The following SLC9A9 variants were observed in gnomAD, a reference collection of about 807,000 sequenced individuals.
The protein encoded by SLC9A9 is sodium/hydrogen exchanger 9.
SLC9A9 carries 62 observed loss-of-function variants against 77.8 expected under a neutral mutation model. That is an observed-to-expected ratio of 0.80 (90% CI 0.65 to 0.98). SLC9A9 has a LOEUF of 0.98. Among genes scored for constraint, SLC9A9 ranks in the 50% least tolerant of loss-of-function variants. The probability of loss-of-function intolerance (pLI) is 0.00; values close to 1 mark genes in which losing one functional copy is unlikely to be tolerated. For synonymous variants in SLC9A9, 320 were observed against 283.5 expected (o/e 1.13, Z -1.29); for missense variants, 775 against 774.9 (o/e 1.00, Z 0.00).
chr3:143,397,561 A>G (rs2033757414), intron 12 of SLC9A9, among the ~76,000 whole-genome samples: 1 of 152,212 alleles, frequency 6.6e-6, no homozygotes, highest in Non-Finnish European at 1.5e-5. Context: ...TTCACAGTTA[A>G]ATAAACAGAA....
intron 7 of SLC9A9, among the ~76,000 whole-genome samples, chr3:143,578,286 C>T (rs897217815): frequency 8.5e-5 from 13 of 152,128 alleles, no homozygotes; most frequent in South Asian, 2.1e-4. Flanking sequence ...TGATGGTTCC[C>T]GTTCACTAGT....
At chr3:143,820,967 C>T (rs1440891196) in intron 2 of SLC9A9, among the ~76,000 whole-genome samples, 2 of 150,194 alleles carry the variant, frequency 1.3e-5, no homozygotes, top group Admixed American at 1.3e-4. Flanking sequence ...GGTGTGTATG[C>T]AGCTTCCCCC....
At chr3:143,302,247 A>T (rs1221215867) in intron 14 of SLC9A9, among the ~76,000 whole-genome samples, 1 of 152,196 alleles carries the variant, frequency 6.6e-6, no homozygotes, top group Non-Finnish European at 1.5e-5. Context: ...CCTCTGGATG[A>T]TTGCCCTAGT....
At chr3:143,641,424 C>T (rs2038620452) in intron 6 of SLC9A9, among the ~76,000 whole-genome samples, 2 of 106,682 alleles carry the variant, frequency 1.9e-5, no homozygotes, top group South Asian at 6.8e-4. Flanking sequence ...CAGAGTCTTG[C>T]TCTGTTGCCT....
chr3:143,581,471 TCTC>T (rs1156830286), intron 6 of SLC9A9, among the ~76,000 whole-genome samples: 1 of 152,082 alleles, frequency 6.6e-6, no homozygotes, highest in African/African-American at 2.4e-5. Flanking sequence ...TCCCTTTCTC[TCTC>T]CTTCCTTCCT....
intron 1 of SLC9A9, among the ~76,000 whole-genome samples, chr3:143,838,153 T>C (rs1192836555): frequency 6.6e-6 from 1 of 152,148 alleles, no homozygotes; most frequent in East Asian, 1.9e-4. Flanking sequence ...CAAAGCAATG[T>C]ACAAAGTTTT....
chr3:143,527,347 T>G (rs929460462), intron 9 of SLC9A9, among the ~76,000 whole-genome samples: 2 of 152,222 alleles, frequency 1.3e-5, no homozygotes, highest in African/African-American at 4.8e-5. Context: ...TATTGACACG[T>G]GACAAAACTT....
chr3:143,512,616 G>A (rs1319711107), intron 9 of SLC9A9, among the ~76,000 whole-genome samples: 10 of 152,214 alleles, frequency 6.6e-5, no homozygotes, highest in African/African-American at 1.2e-4. Context: ...GGTGGCTCAC[G>A]CCTGTAATCC....
At chr3:143,516,333 T>C (rs576401722) in intron 9 of SLC9A9, among the ~76,000 whole-genome samples, 1 of 152,240 alleles carries the variant, frequency 6.6e-6, no homozygotes, top group East Asian at 1.9e-4. Context: ...AGTTTTCTTA[T>C]CTATTTCTTT....
intron 5 of SLC9A9, among the ~76,000 whole-genome samples, chr3:143,656,984 T>C (rs973565264): frequency 1.3e-5 from 2 of 152,196 alleles, no homozygotes; most frequent in African/African-American, 4.8e-5. Flanking sequence ...TTTCCCACTT[T>C]CCTGAAAAAT....
At chr3:143,327,910 T>A (rs1056714548) in intron 14 of SLC9A9, among the ~76,000 whole-genome samples, 18 of 152,232 alleles carry the variant, frequency 1.2e-4, no homozygotes, top group Admixed American at 7.8e-4. Flanking sequence ...CTAGTCTAAT[T>A]CCTCTTTTAT....
At chr3:143,337,971 GAAGA>G (rs1255394112) in intron 14 of SLC9A9, among the ~76,000 whole-genome samples, 1 of 152,182 alleles carries the variant, frequency 6.6e-6, no homozygotes, top group Non-Finnish European at 1.5e-5. Flanking sequence ...AAAGGTAAAA[GAAGA>G]AAGGAGGGAT....
intron 6 of SLC9A9, among the ~76,000 whole-genome samples, chr3:143,617,112 G>C (rs75674301): frequency 6.6e-6 from 1 of 152,286 alleles, no homozygotes; most frequent in African/African-American, 2.4e-5. Flanking sequence ...TAGGGAATGA[G>C]CCAGGTGAAT....
At chr3:143,699,687 C>T (rs1444553438) in intron 4 of SLC9A9, among the ~76,000 whole-genome samples, 1 of 152,164 alleles carries the variant, frequency 6.6e-6, no homozygotes, top group African/African-American at 2.4e-5. Flanking sequence ...TTGAGTTCTG[C>T]CAAGCCTCCC....
chr3:143,385,993 GC>G (rs1162773613), intron 12 of SLC9A9, among the ~76,000 whole-genome samples: 1 of 152,128 alleles, frequency 6.6e-6, no homozygotes, highest in Admixed American at 6.5e-5. Flanking sequence ...GGTATTTTGG[GC>G]CACGCTGGCT....
At chr3:143,324,063 G>A (rs1341932957) in intron 14 of SLC9A9, among the ~76,000 whole-genome samples, 1 of 152,084 alleles carries the variant, frequency 6.6e-6, no homozygotes, top group African/African-American at 2.4e-5. Context: ...CCAGGTGGAA[G>A]TTACGTCCCC....
intron 12 of SLC9A9, among the ~76,000 whole-genome samples, chr3:143,428,915 G>C (rs886267229): frequency 2.6e-5 from 4 of 152,180 alleles, no homozygotes; most frequent in Non-Finnish European, 4.4e-5. Context: ...CTGCAGAGGG[G>C]TGGGGATGGG....
At chr3:143,450,069 TA>T (rs1364910389) in intron 12 of SLC9A9, among the ~76,000 whole-genome samples, 3 of 100,608 alleles carry the variant, frequency 3.0e-5, no homozygotes, top group Non-Finnish European at 3.8e-5. Context: ...ATAATATGTA[TA>T]TATAATATAA....
At chr3:143,442,711 T>A (rs948829428) in intron 12 of SLC9A9, among the ~76,000 whole-genome samples, 16 of 152,014 alleles carry the variant, frequency 1.1e-4, no homozygotes, top group African/African-American at 3.9e-4. Context: ...GGTGACAGAG[T>A]GAAACTCCAT....
Sources: gnomAD v4.1 joint callset for allele counts (sites outside exome capture counted in the v4.1 genomes callset) on GRCh38, gnomAD v4.1.1 for gene constraint, MANE v1.5 for transcripts, NCBI Gene and HGNC (gene_info 2026-07-23, HGNC 2026-07-21) for gene names.